Variants in PPARGC1A observed in about 807,000 individuals in gnomAD.
PPARGC1A encodes peroxisome proliferator-activated receptor gamma coactivator 1-alpha.
A neutral mutation model predicts 88.7 loss-of-function variants in PPARGC1A; 25 were observed. The observed-to-expected ratio is 0.28, with a 90% confidence interval of 0.21 to 0.39. The LOEUF (loss-of-function observed/expected upper bound fraction) is 0.39. Among genes scored for constraint, PPARGC1A ranks in the 10% least tolerant of loss-of-function variants. The probability of loss-of-function intolerance (pLI) is 1.00; values close to 1 mark genes in which losing one functional copy is unlikely to be tolerated. For synonymous variants in PPARGC1A, 363 were observed against 355.6 expected (o/e 1.02, Z -0.24); for missense variants, 880 against 968.7 (o/e 0.91, Z 1.22).
At chr4:24,214,831 C>G in the PPARGC1A span, among the ~76,000 whole-genome samples, 4 of 152,224 alleles carry the variant, frequency 2.6e-5, no homozygotes, top group African/African-American at 7.2e-5. Context: ...AGTAGAAAAG[C>G]AAAGTAATGC....
the PPARGC1A span, among the ~76,000 whole-genome samples, chr4:23,964,147 A>G: frequency 1.3e-5 from 2 of 152,210 alleles, no homozygotes; most frequent in Non-Finnish European, 2.9e-5. Flanking sequence ...TAAGCTGGGA[A>G]CTGTTCTTTT....
the PPARGC1A span, among the ~76,000 whole-genome samples, chr4:24,452,080 C>T: frequency 1.3e-5 from 2 of 150,192 alleles, no homozygotes; most frequent in African/African-American, 5.0e-5. Flanking sequence ...CAAAGACTGA[C>T]CTCCCCTGAG....
At chr4:24,121,973 G>A in the PPARGC1A span, among the ~76,000 whole-genome samples, 3 of 152,134 alleles carry the variant, frequency 2.0e-5, no homozygotes, top group Admixed American at 1.3e-4. Flanking sequence ...TGACTGGGAA[G>A]AGCGCGTCAC....
chr4:23,964,863 C>T, the PPARGC1A span, among the ~76,000 whole-genome samples: 6 of 152,164 alleles, frequency 3.9e-5, no homozygotes, highest in African/African-American at 1.4e-4. Flanking sequence ...TTTCAATAGT[C>T]TTGATCTGAT....
the PPARGC1A span, among the ~76,000 whole-genome samples, chr4:24,126,763 C>T: frequency 1.3e-5 from 2 of 152,188 alleles, no homozygotes; most frequent in Non-Finnish European, 2.9e-5. Context: ...TGCTAGTAGC[C>T]ATTACCTGTA....
chr4:23,928,771 A>AAAAAAAAAAAAAAAC, the PPARGC1A span, among the ~76,000 whole-genome samples: 1 of 2,344 alleles, frequency 4.3e-4, no homozygotes, highest in South Asian at 0.024. Flanking sequence ...CAAAAAAAAC[A>AAAAAAAAAAAAAAAC]AAAAAAAACA....
the PPARGC1A span, among the ~76,000 whole-genome samples, chr4:24,304,206 T>C: frequency 6.6e-6 from 1 of 152,196 alleles, no homozygotes; most frequent in Non-Finnish European, 1.5e-5. Context: ...TGTGTGGCAA[T>C]GGGGCAGCAT....
the PPARGC1A span, among the ~76,000 whole-genome samples, chr4:24,099,023 T>C: frequency 2.0e-5 from 3 of 152,146 alleles, no homozygotes; most frequent in African/African-American, 4.8e-5. Context: ...TTCCTGACTT[T>C]GTGATATGCT....
intron 7 of PPARGC1A, chr4:23,820,705 G>A (rs2932976): frequency 0.24 from 83,162 of 347,638 alleles, 11,521 homozygotes; most frequent in Admixed American, 0.38. Context: ...AAAGAAGTCA[G>A]ACCAGCTGGC....
chr4:23,806,359 T>A (rs1719807899), intron 10 of PPARGC1A, among the ~76,000 whole-genome samples: 1 of 152,198 alleles, frequency 6.6e-6, no homozygotes, highest in Admixed American at 6.5e-5. Flanking sequence ...TGCAGTTGTA[T>A]TAGACAGATG....
the PPARGC1A span, among the ~76,000 whole-genome samples, chr4:24,093,998 C>T: frequency 6.6e-6 from 1 of 152,076 alleles, no homozygotes; most frequent in African/African-American, 2.4e-5. Flanking sequence ...ACCACATGCC[C>T]TTTTTTGTCC....
the PPARGC1A span, among the ~76,000 whole-genome samples, chr4:24,091,271 G>T: frequency 6.6e-6 from 1 of 152,198 alleles, no homozygotes; most frequent in African/African-American, 2.4e-5. Context: ...TAGCTTGCTT[G>T]ACAATCTAGA....
At chr4:24,170,429 G>C in the PPARGC1A span, among the ~76,000 whole-genome samples, 372 of 152,302 alleles carry the variant, frequency 2.4e-3, 2 homozygotes, top group African/African-American at 8.5e-3. Flanking sequence ...TATACCAAGA[G>C]GGTATAATCT....
chr4:24,055,099 T>G, the PPARGC1A span, among the ~76,000 whole-genome samples: 1 of 152,334 alleles, frequency 6.6e-6, no homozygotes, highest in South Asian at 2.1e-4. Context: ...AGCTGGAATT[T>G]AAACTGGTTA....
the PPARGC1A span, among the ~76,000 whole-genome samples, chr4:24,206,159 T>C: frequency 6.6e-6 from 1 of 152,030 alleles, no homozygotes; most frequent in African/African-American, 2.4e-5. Flanking sequence ...AATAAAAAAA[T>C]AAAGGGCCAA....
chr4:24,353,826 C>T, the PPARGC1A span, among the ~76,000 whole-genome samples: 1,615 of 152,238 alleles, frequency 0.011, 14 homozygotes, highest in Non-Finnish European at 0.017. Flanking sequence ...TGATAGGAAA[C>T]GACTGAGCCC....
the PPARGC1A span, among the ~76,000 whole-genome samples, chr4:24,110,804 G>T: frequency 6.6e-6 from 1 of 152,046 alleles, no homozygotes; most frequent in African/African-American, 2.4e-5. Context: ...TGAGATATAC[G>T]TTGTATCTAT....
At chr4:24,010,698 C>T in the PPARGC1A span, among the ~76,000 whole-genome samples, 1 of 152,128 alleles carries the variant, frequency 6.6e-6, no homozygotes, top group Admixed American at 6.6e-5. Context: ...GATCACAGGG[C>T]AGTAGTTTTG....
chr4:24,151,427 G>A, the PPARGC1A span, among the ~76,000 whole-genome samples: 1 of 152,012 alleles, frequency 6.6e-6, no homozygotes, highest in African/African-American at 2.4e-5. Flanking sequence ...CGTCATGAAG[G>A]CCCTTCTCTC....
Sources: gnomAD v4.1 joint callset for allele counts (sites outside exome capture counted in the v4.1 genomes callset) on GRCh38, gnomAD v4.1.1 for gene constraint, MANE v1.5 for transcripts, NCBI Gene and HGNC (gene_info 2026-07-23, HGNC 2026-07-21) for gene names.